The following AGMO variants were observed in gnomAD, a reference collection of about 807,000 sequenced individuals.
AGMO encodes the protein alkylglycerol monooxygenase.
A neutral mutation model predicts 60.2 loss-of-function variants in AGMO; 75 were observed. The observed-to-expected ratio is 1.25, with a 90% confidence interval of 1.03 to 1.51. The LOEUF (loss-of-function observed/expected upper bound fraction) is 1.51, where lower values mean the gene tolerates loss of function less well. Ranked by LOEUF, AGMO falls within the 40% of genes most tolerant of loss-of-function variation. The pLI is 0.00. For synonymous variants in AGMO, 261 were observed against 177.1 expected (o/e 1.47, Z -3.76); for missense variants, 763 against 525.5 (o/e 1.45, Z -4.42).
At chr7:15,409,542 T>C (rs953628289) in intron 5 of AGMO, among the ~76,000 whole-genome samples, 1 of 151,906 alleles carries the variant, frequency 6.6e-6, no homozygotes, top group Non-Finnish European at 1.5e-5. Flanking sequence ...TTTCTGACTT[T>C]CTATTAAATT....
chr7:15,529,752 CTATATAT>C (rs1562555239), intron 3 of AGMO, among the ~76,000 whole-genome samples: 8 of 108,512 alleles, frequency 7.4e-5, no homozygotes, highest in African/African-American at 3.1e-4. Flanking sequence ...ATATATATTT[CTATATAT>C]ATATTTCTCT....
chr7:15,347,555 C>T (rs886730957), intron 12 of AGMO, among the ~76,000 whole-genome samples: 3 of 151,856 alleles, frequency 2.0e-5, no homozygotes, highest in Non-Finnish European at 2.9e-5. Context: ...TAATTAAAAC[C>T]TCGCCTAGAA....
At chr7:15,287,216 G>A (rs1380282975) in intron 12 of AGMO, among the ~76,000 whole-genome samples, 1 of 152,024 alleles carries the variant, frequency 6.6e-6, no homozygotes, top group Admixed American at 6.6e-5. Context: ...CATCCCCAAA[G>A]CTATTGAAAT....
At chr7:15,198,262 ACAGAGAGAGAGTGT>A (rs1781186458), downstream of AGMO, among the ~76,000 whole-genome samples, 1 of 99,254 alleles carries the variant, frequency 1.0e-5, no homozygotes, top group African/African-American at 4.6e-5. Flanking sequence ...AGAGACAGAG[ACAGAGAGAGAGTGT>A]GTTAAAGTCC....
At chr7:15,359,696 A>G (rs1223934075) in intron 12 of AGMO, among the ~76,000 whole-genome samples, 1 of 152,174 alleles carries the variant, frequency 6.6e-6, no homozygotes, top group Non-Finnish European at 1.5e-5. Flanking sequence ...CCCCTGGTTC[A>G]TTTCTCACTA....
chr7:15,449,606 G>A (rs993855633), intron 3 of AGMO, among the ~76,000 whole-genome samples: 2 of 152,140 alleles, frequency 1.3e-5, no homozygotes, highest in African/African-American at 4.8e-5. Flanking sequence ...TATAGCCTAG[G>A]TGTGTAGTAG....
chr7:15,254,356 G>C (rs1783035612), intron 12 of AGMO, among the ~76,000 whole-genome samples: 1 of 152,058 alleles, frequency 6.6e-6, no homozygotes, highest in South Asian at 2.1e-4. Flanking sequence ...ACCACTAACA[G>C]AGTATCAGAG....
chr7:15,194,527 G>A, the AGMO span, among the ~76,000 whole-genome samples: 2 of 152,018 alleles, frequency 1.3e-5, no homozygotes, highest in East Asian at 1.9e-4. Context: ...ACAAACTTTC[G>A]AAATAGATGC....
intron 12 of AGMO, among the ~76,000 whole-genome samples, chr7:15,253,758 T>C (rs1405177332): frequency 3.3e-5 from 5 of 152,176 alleles, no homozygotes; most frequent in Admixed American, 2.6e-4. Context: ...TTGTTAGCTA[T>C]AGTCACCCTA....
intron 10 of AGMO, among the ~76,000 whole-genome samples, chr7:15,375,323 T>C (rs1373784897): frequency 6.6e-6 from 1 of 150,930 alleles, no homozygotes; most frequent in Non-Finnish European, 1.5e-5. Context: ...TTTTCCAAAA[T>C]ACAGAAGAGA....
chr7:15,413,991 G>C (rs539460611), intron 5 of AGMO, among the ~76,000 whole-genome samples: 3 of 151,934 alleles, frequency 2.0e-5, no homozygotes, highest in Non-Finnish European at 4.4e-5. Flanking sequence ...CAATATTTTG[G>C]GATTTATTTA....
At chr7:15,545,795 A>G (rs1292013944) in intron 2 of AGMO, among the ~76,000 whole-genome samples, 1 of 152,008 alleles carries the variant, frequency 6.6e-6, no homozygotes, top group East Asian at 1.9e-4. Context: ...GATCAAATTT[A>G]AGATTAGCTT....
intron 12 of AGMO, among the ~76,000 whole-genome samples, chr7:15,231,691 A>G (rs1477449599): frequency 6.6e-6 from 1 of 152,220 alleles, no homozygotes; most frequent in East Asian, 1.9e-4. Context: ...TAGATCTTCT[A>G]GGCATTACTA....
intron 3 of AGMO, among the ~76,000 whole-genome samples, chr7:15,514,359 G>A (rs776775621): frequency 2.0e-5 from 3 of 152,090 alleles, no homozygotes; most frequent in Non-Finnish European, 2.9e-5. Flanking sequence ...TGTTATATAT[G>A]TGAATGATAA....
Position 15,517,229 on chromosome 7 carries a change from C to T in AGMO, c.409+27543G>A, listed in dbSNP as rs530568718. The stretch of plus-strand genomic sequence containing the variant: ...ATAATGAATTAATCATAATGCAAGA[C>T]TTTAGCACACCTCACTCATTAAATT... On this transcript the variant is annotated intron_variant, in intron 3 of 12. Coordinates refer to ENST00000342526, the MANE Select transcript of AGMO (RefSeq NM_001004320.2). Among the ~76,000 whole-genome samples the T allele has an allele frequency of 6.6e-5, 10 of 151,572 alleles. No homozygotes were observed. In the East Asian group the frequency reaches 1.9e-3, roughly 30 times the overall value.
chr7:15,395,330 A>G (rs974181843), intron 5 of AGMO, among the ~76,000 whole-genome samples: 7 of 151,690 alleles, frequency 4.6e-5, no homozygotes, highest in Admixed American at 6.6e-5. Context: ...AGAAATAGAG[A>G]TAAGACTGCT....
At chr7:15,303,000 G>A (rs527480611) in intron 12 of AGMO, among the ~76,000 whole-genome samples, 14 of 152,082 alleles carry the variant, frequency 9.2e-5, no homozygotes, top group Non-Finnish European at 2.1e-4. Flanking sequence ...AAATCTAAAG[G>A]ATCTTGAAAG....
chr7:15,496,441 C>T (rs1783234733), intron 3 of AGMO, among the ~76,000 whole-genome samples: 1 of 151,932 alleles, frequency 6.6e-6, no homozygotes, highest in African/African-American at 2.4e-5. Flanking sequence ...TTATAAAAGG[C>T]TTAGATTCCC....
chr7:15,397,542 A>G (rs774164805), intron 5 of AGMO, among the ~76,000 whole-genome samples: 1 of 152,180 alleles, frequency 6.6e-6, no homozygotes, highest in Non-Finnish European at 1.5e-5. Flanking sequence ...AAGGGCTGCT[A>G]GCACGTTGTT....
Sources: allele counts gnomAD v4.1 joint callset (sites outside exome capture counted in the v4.1 genomes callset), GRCh38; gene constraint gnomAD v4.1.1; transcripts MANE v1.5; gene names NCBI Gene and HGNC (gene_info 2026-07-23, HGNC 2026-07-21).